The following CEP112 variants were observed in gnomAD, a reference collection of about 807,000 sequenced individuals.
CEP112 encodes centrosomal protein of 112 kDa.
In CEP112, 127 loss-of-function variants were observed where a neutral mutation model predicts 153.0. The observed-to-expected ratio is 0.83, with a 90% CI of 0.72 to 0.96. The LOEUF is 0.96. Among genes scored for constraint, CEP112 ranks in the 40% least tolerant of loss-of-function variants. CEP112 has a pLI of 0.00. For missense variants in CEP112, 1,089 were observed against 1,101.2 expected, an observed-to-expected ratio of 0.99 and a Z score of 0.16; for synonymous variants, 358 against 374.4, an observed-to-expected ratio of 0.96 and a Z score of 0.51.
chr17:65,776,787 A>G (rs1033380929), intron 21 of CEP112, among the ~76,000 whole-genome samples: 8 of 146,986 alleles, frequency 5.4e-5, no homozygotes, highest in Non-Finnish European at 1.1e-4. Context: ...TTTTATAAAT[A>G]TTGTCACAGT....
Position 65,742,024 on chromosome 17 carries a change from G to T in CEP112, c.2607+1044C>A, listed in dbSNP as rs369125911. Among the ~76,000 whole-genome samples the T allele has an allele frequency of 5.3e-5, 8 of 150,484 alleles. No homozygotes were observed. In the East Asian group the frequency reaches 1.4e-3, roughly 26 times the overall value. On this transcript the variant is annotated intron_variant, in intron 23 of 26. Transcript: ENST00000535342. ...CATTAAAAAAAAAAAAGTCCTCAAT[G>T]GTAAAGTGAAGAGGCCGGATGTAAT...
chr17:66,053,664 T>A, intron 12 of CEP112, 72 bp downstream of exon 12: 2 of 1,466,834 alleles, frequency 1.4e-6, no homozygotes, highest in Non-Finnish European at 1.9e-6. Context: ...ACTGTGCACA[T>A]CAGGGAAACA....
At chr17:65,790,576 T>C (rs2054532432) in intron 21 of CEP112, among the ~76,000 whole-genome samples, 1 of 152,168 alleles carries the variant, frequency 6.6e-6, no homozygotes, top group Non-Finnish European at 1.5e-5. Flanking sequence ...TCTTCAGTCT[T>C]AACCTCTCCA....
At chr17:65,838,603 G>A (rs1339314108) in intron 21 of CEP112, among the ~76,000 whole-genome samples, 2 of 151,884 alleles carry the variant, frequency 1.3e-5, no homozygotes, top group Admixed American at 1.3e-4. Flanking sequence ...AATATAAAAG[G>A]TAGAACAAAC....
At chr17:65,909,361 G>T (rs2060197772) in intron 19 of CEP112, among the ~76,000 whole-genome samples, 1 of 152,190 alleles carries the variant, frequency 6.6e-6, no homozygotes, top group African/African-American at 2.4e-5. Context: ...AAGAGAGGGA[G>T]TCACAGTTAG....
intron 4 of CEP112, among the ~76,000 whole-genome samples, chr17:66,138,026 G>A (rs890416628): frequency 2.6e-5 from 4 of 152,154 alleles, no homozygotes; most frequent in Admixed American, 6.5e-5. Flanking sequence ...CAGGAGTCCA[G>A]TCTAGGTCCC....
At chr17:65,974,980 G>T (rs2145050507) in intron 17 of CEP112, among the ~76,000 whole-genome samples, 1 of 152,100 alleles carries the variant, frequency 6.6e-6, no homozygotes, top group Non-Finnish European at 1.5e-5. Context: ...AATAAGGACA[G>T]GAGAGGGAAA....
chr17:65,921,346 G>A (rs542263394), intron 19 of CEP112, among the ~76,000 whole-genome samples: 36 of 151,820 alleles, frequency 2.4e-4, no homozygotes, highest in African/African-American at 6.8e-4. Context: ...TATGCCTATC[G>A]TTTGTCATGA....
Position 65,874,071 on chromosome 17 carries a change from T to C in CEP112, c.2164-22037A>G, listed in dbSNP as rs180815968. Among the ~76,000 whole-genome samples, 244 of 152,330 alleles carry C rather than the reference T, an allele frequency of 1.6e-3. 4 individuals carry two copies. Among genetic ancestry groups the C allele is most frequent in the Non-Finnish European group, 2.7e-3 (186 of 68,006 alleles). ...TTATATGTATGCATATGTGTACAGA[T>C]ATTTTATTTGCTTAAAATTTTACAG... On this transcript the variant is annotated intron_variant, in intron 20 of 26. Coordinates refer to ENST00000535342, the MANE Select transcript of CEP112 (RefSeq NM_001199165.4).
intron 21 of CEP112, among the ~76,000 whole-genome samples, chr17:65,802,845 C>T (rs1329465148): frequency 2.6e-5 from 4 of 152,198 alleles, no homozygotes; most frequent in Non-Finnish European, 5.9e-5. Context: ...ATATATTCCT[C>T]TTCCCACACG....
At chr17:66,016,043 G>T (rs1347275714) in intron 16 of CEP112, among the ~76,000 whole-genome samples, 4 of 152,116 alleles carry the variant, frequency 2.6e-5, no homozygotes, top group African/African-American at 4.8e-5. Flanking sequence ...TCGTAAGTCT[G>T]CTATTGTACT....
chr17:65,716,462 GC>G (rs1467817297), intron 23 of CEP112, among the ~76,000 whole-genome samples: 1 of 152,014 alleles, frequency 6.6e-6, no homozygotes, highest in African/African-American at 2.4e-5. Context: ...TGCCCAGCCA[GC>G]CCTATGCTTT....
At chr17:66,047,115 TTTTA>T (rs1285577822) in intron 12 of CEP112, among the ~76,000 whole-genome samples, 1 of 149,246 alleles carries the variant, frequency 6.7e-6, no homozygotes, top group Non-Finnish European at 1.5e-5. Context: ...TTCATTTTTA[TTTTA>T]TTTATTTATT....
At chr17:66,023,492 A>G (rs2065081660) in intron 16 of CEP112, among the ~76,000 whole-genome samples, 1 of 152,194 alleles carries the variant, frequency 6.6e-6, no homozygotes, top group Admixed American at 6.5e-5. Context: ...TGAAAGAAAT[A>G]CAAAGTATTT....
chr17:65,732,816 G>A (rs1323396379), intron 23 of CEP112, among the ~76,000 whole-genome samples: 1 of 152,198 alleles, frequency 6.6e-6, no homozygotes, highest in African/African-American at 2.4e-5. Flanking sequence ...TATGGCCTTT[G>A]CTCTGAATCA....
At chr17:65,798,120 C>CATCACT (rs1435302822) in intron 21 of CEP112, among the ~76,000 whole-genome samples, 1 of 151,966 alleles carries the variant, frequency 6.6e-6, no homozygotes, top group African/African-American at 2.4e-5. Context: ...ACTGGTTTTC[C>CATCACT]ATCACTATGG....
intron 17 of CEP112, among the ~76,000 whole-genome samples, chr17:65,967,062 C>T (rs1434232064): frequency 1.3e-5 from 2 of 152,126 alleles, no homozygotes; most frequent in African/African-American, 4.8e-5. Flanking sequence ...TATTCTCTCG[C>T]TACTAAGGGA....
chr17:66,009,159 T>C (rs2064400961), intron 16 of CEP112, among the ~76,000 whole-genome samples: 1 of 150,658 alleles, frequency 6.6e-6, no homozygotes, highest in Non-Finnish European at 1.5e-5. Flanking sequence ...CTCTCTTTCT[T>C]CCACATCCTG....
intron 21 of CEP112, among the ~76,000 whole-genome samples, chr17:65,808,724 T>C (rs904107240): frequency 5.3e-5 from 8 of 152,172 alleles, no homozygotes; most frequent in African/African-American, 1.4e-4. Context: ...TGATTGTAAG[T>C]TTCCTGAGGC....
Sources: gnomAD v4.1 joint callset for allele counts (sites outside exome capture counted in the v4.1 genomes callset) on GRCh38, gnomAD v4.1.1 for gene constraint, MANE v1.5 for transcripts, NCBI Gene and HGNC (gene_info 2026-07-23, HGNC 2026-07-21) for gene names.